The following ARHGEF4 variants were observed in gnomAD, a reference collection of about 807,000 sequenced individuals.
ARHGEF4 encodes APC-stimulated guanine nucleotide exchange factor 1.
Under a neutral mutation model 162.0 loss-of-function variants are expected in ARHGEF4, and 119 were observed. The observed-to-expected ratio is 0.73, with a 90% confidence interval of 0.63 to 0.86. The LOEUF (loss-of-function observed/expected upper bound fraction) is 0.86, where lower values mean the gene tolerates loss of function less well. ARHGEF4 is among the 40% of genes least tolerant of loss of function. The probability of loss-of-function intolerance (pLI) is 0.00; values close to 1 mark genes in which losing one functional copy is unlikely to be tolerated. For synonymous variants in ARHGEF4, 1,014 were observed against 979.9 expected (o/e 1.03, Z -0.65); for missense variants, 2,488 against 2,456.0 (o/e 1.01, Z -0.28).
intron 4 of ARHGEF4, among the ~76,000 whole-genome samples, chr2:130,978,356 A>G (rs1193709738): frequency 3.9e-5 from 6 of 152,174 alleles, no homozygotes; most frequent in Non-Finnish European, 8.8e-5. Flanking sequence ...CTGACATACA[A>G]TATTTCTCCC....
chr2:130,847,221 G>A (rs555601671), intron 1 of ARHGEF4, among the ~76,000 whole-genome samples: 4 of 152,306 alleles, frequency 2.6e-5, no homozygotes, highest in Admixed American at 2.0e-4. Context: ...TGGCCTTTCC[G>A]GACACTGCTC....
intron 1 of ARHGEF4, among the ~76,000 whole-genome samples, chr2:130,867,041 A>G (rs1356634704): frequency 6.6e-6 from 1 of 152,136 alleles, no homozygotes; most frequent in Non-Finnish European, 1.5e-5. Flanking sequence ...AATTCCTTTA[A>G]TAGATATAGG....
At chr2:130,868,511 G>T (rs1483119283) in intron 1 of ARHGEF4, among the ~76,000 whole-genome samples, 1 of 152,152 alleles carries the variant, frequency 6.6e-6, no homozygotes, top group Admixed American at 6.5e-5. Context: ...TGCGGTCTGA[G>T]GCGGGAGAAA....
intron 1 of ARHGEF4, among the ~76,000 whole-genome samples, chr2:130,887,233 A>G (rs1351740400): frequency 1.3e-5 from 2 of 151,940 alleles, no homozygotes; most frequent in Non-Finnish European, 2.9e-5. Flanking sequence ...TGGGAGGCTG[A>G]GGCAGGAGGA....
At chr2:131,003,424 G>T (rs908285889) in intron 4 of ARHGEF4, among the ~76,000 whole-genome samples, 1 of 152,222 alleles carries the variant, frequency 6.6e-6, no homozygotes, top group African/African-American at 2.4e-5. Flanking sequence ...CGTCATTTCT[G>T]CAGTATTCCC....
At chr2:131,038,460 A>AGC (rs559292586) in intron 5 of ARHGEF4, among the ~76,000 whole-genome samples, 1 of 138,304 alleles carries the variant, frequency 7.2e-6, no homozygotes, top group Non-Finnish European at 1.5e-5. Context: ...GCAGCCTTGC[A>AGC]GCCCAGCCTC....
chr2:130,956,557 C>T (rs1684284735), intron 4 of ARHGEF4, among the ~76,000 whole-genome samples: 1 of 150,086 alleles, frequency 6.7e-6, no homozygotes, highest in South Asian at 2.1e-4. Flanking sequence ...ATAGCAAAGA[C>T]TTGGAACCAA....
At chr2:130,908,910 TG>T (rs1681006245) in intron 1 of ARHGEF4, among the ~76,000 whole-genome samples, 1 of 151,940 alleles carries the variant, frequency 6.6e-6, no homozygotes, top group Non-Finnish European at 1.5e-5. Context: ...GATGTACAGA[TG>T]GAAAAAACAT....
At chr2:130,850,207 G>A (rs60604088) in intron 1 of ARHGEF4, among the ~76,000 whole-genome samples, 4,499 of 152,274 alleles carry the variant, frequency 0.03, 126 homozygotes, top group East Asian at 0.083. Context: ...GGAGGGGGCA[G>A]CCTCTCTAGG....
chr2:130,887,605 A>G (rs377294662), intron 1 of ARHGEF4, among the ~76,000 whole-genome samples: 6 of 151,888 alleles, frequency 4.0e-5, no homozygotes, highest in Admixed American at 1.3e-4. Flanking sequence ...TCCTTGATCA[A>G]TCTTTTGAGG....
chr2:130,853,725 C>G (rs1681573212), intron 1 of ARHGEF4, among the ~76,000 whole-genome samples: 1 of 152,180 alleles, frequency 6.6e-6, no homozygotes, highest in Non-Finnish European at 1.5e-5. Context: ...CAGCACAGCA[C>G]CAGGACACAG....
At chr2:130,975,701 A>G (rs1685656692) in intron 4 of ARHGEF4, among the ~76,000 whole-genome samples, 1 of 152,196 alleles carries the variant, frequency 6.6e-6, no homozygotes, top group African/African-American at 2.4e-5. Flanking sequence ...AAGAACTGTA[A>G]TGGCTTCCTT....
At chr2:130,970,013 T>C (rs1266274304) in intron 4 of ARHGEF4, among the ~76,000 whole-genome samples, 3 of 152,230 alleles carry the variant, frequency 2.0e-5, no homozygotes. Context: ...CAAATGGATG[T>C]ATCACAGTTT....
At chr2:130,864,705 C>G (rs902057924) in intron 1 of ARHGEF4, among the ~76,000 whole-genome samples, 8 of 152,332 alleles carry the variant, frequency 5.3e-5, no homozygotes, top group African/African-American at 1.9e-4. Context: ...ATCTGGGCGA[C>G]AGAGCCAGAC....
chr2:131,043,388 G>A, intron 10 of ARHGEF4, 64 bp from the exon 11 acceptor site: 1 of 1,602,514 alleles, frequency 6.2e-7, no homozygotes, highest in Non-Finnish European at 8.5e-7. Context: ...CCCATGATGG[G>A]GGCAGGAAGT....
At chr2:130,859,421 T>C (rs1389512947) in intron 1 of ARHGEF4, among the ~76,000 whole-genome samples, 1 of 94,244 alleles carries the variant, frequency 1.1e-5, no homozygotes, top group Admixed American at 1.2e-4. Flanking sequence ...AAATTGTGTA[T>C]CTGATAAAGA....
intron 3 of ARHGEF4, among the ~76,000 whole-genome samples, chr2:130,931,929 A>T (rs543354009): frequency 6.6e-6 from 1 of 152,224 alleles, no homozygotes; most frequent in South Asian, 2.1e-4. Flanking sequence ...TGAAATTCAC[A>T]TAATGTAGAA....
chr2:131,017,053 C>T (rs1688813443), intron 4 of ARHGEF4, among the ~76,000 whole-genome samples: 1 of 152,216 alleles, frequency 6.6e-6, no homozygotes, highest in Admixed American at 6.5e-5. Context: ...TCAGAGACTG[C>T]TGACTTGTCT....
chr2:131,021,980 C>T (rs1276471779), intron 4 of ARHGEF4, among the ~76,000 whole-genome samples: 3 of 152,170 alleles, frequency 2.0e-5, no homozygotes, highest in Non-Finnish European at 4.4e-5. Context: ...GTTGACCCCT[C>T]CTTGTATTCC....
Sources: allele counts gnomAD v4.1 joint callset (sites outside exome capture counted in the v4.1 genomes callset), GRCh38; gene constraint gnomAD v4.1.1; transcripts MANE v1.5; gene names NCBI Gene and HGNC (gene_info 2026-07-23, HGNC 2026-07-21).